FCHSD2: variants seen among roughly 807,000 people sequenced by gnomAD.
The protein encoded by FCHSD2 is FCH and double SH3 domains 2, also known as F-BAR and double SH3 domains protein 2.
In FCHSD2, 38 loss-of-function variants were observed where a neutral mutation model predicts 108.1. The ratio of observed to expected loss-of-function variants is 0.35; its 90% confidence interval spans 0.27 to 0.46. The LOEUF (loss-of-function observed/expected upper bound fraction) is 0.46. Ranked by LOEUF, FCHSD2 falls within the 20% of genes least tolerant of loss-of-function variation. The probability of loss-of-function intolerance (pLI) is 1.00; values close to 1 mark genes in which losing one functional copy is unlikely to be tolerated. For synonymous variants in FCHSD2, 279 were observed against 314.7 expected (o/e 0.89, Z 1.20); for missense variants, 751 against 897.8 (o/e 0.84, Z 2.09).
At chr11:73,127,878 T>C (rs1860896634) in intron 2 of FCHSD2, among the ~76,000 whole-genome samples, 1 of 151,528 alleles carries the variant, frequency 6.6e-6, no homozygotes, top group African/African-American at 2.4e-5. Context: ...TCACCTGAGG[T>C]CAAGGTCAAG....
intron 13 of FCHSD2, among the ~76,000 whole-genome samples, chr11:72,851,459 G>A (rs1489795305): frequency 6.6e-6 from 1 of 152,088 alleles, no homozygotes; most frequent in African/African-American, 2.4e-5. Flanking sequence ...AAAGGTTGCC[G>A]GCCGGGTGAG....
At chr11:72,990,131 A>T (rs902573912) in intron 5 of FCHSD2, among the ~76,000 whole-genome samples, 2 of 152,208 alleles carry the variant, frequency 1.3e-5, no homozygotes, top group Admixed American at 1.3e-4. Flanking sequence ...CATATTTATT[A>T]AGCACTTAAT....
At chr11:72,895,263 A>G (rs887175849) in intron 10 of FCHSD2, among the ~76,000 whole-genome samples, 7 of 152,192 alleles carry the variant, frequency 4.6e-5, no homozygotes, top group African/African-American at 1.7e-4. Flanking sequence ...GAATATACCC[A>G]TTAAGGCTGG....
chr11:72,842,096 C>T (rs1461953211), intron 17 of FCHSD2, among the ~76,000 whole-genome samples: 2 of 152,198 alleles, frequency 1.3e-5, no homozygotes, highest in African/African-American at 2.4e-5. Context: ...ACAAACTAAA[C>T]TCTGACTGAA....
intron 12 of FCHSD2, among the ~76,000 whole-genome samples, chr11:72,885,113 G>A (rs1262601627): frequency 6.6e-6 from 1 of 152,088 alleles, no homozygotes; most frequent in Non-Finnish European, 1.5e-5. Context: ...AGACTCTCAT[G>A]GTCTAGTCCA....
intron 11 of FCHSD2, among the ~76,000 whole-genome samples, chr11:72,889,092 C>T (rs1034676539): frequency 6.6e-6 from 1 of 152,030 alleles, no homozygotes; most frequent in Non-Finnish European, 1.5e-5. Context: ...GTAGCTGGGA[C>T]TACAGGTGCC....
At chr11:73,069,019 C>CA (rs199874957) in intron 3 of FCHSD2, among the ~76,000 whole-genome samples, 63 of 145,164 alleles carry the variant, frequency 4.3e-4, no homozygotes, top group African/African-American at 9.6e-4. Context: ...CTCCAAAAAA[C>CA]AAAAAAAAAG....
chr11:72,879,959 A>G (rs1018606010), intron 12 of FCHSD2, among the ~76,000 whole-genome samples: 3 of 148,300 alleles, frequency 2.0e-5, no homozygotes, highest in African/African-American at 5.0e-5. Flanking sequence ...AGATCGCGCC[A>G]TCGCATTCCA....
At chr11:72,913,838 A>AC (rs1565320129) in intron 9 of FCHSD2, among the ~76,000 whole-genome samples, 92 of 150,064 alleles carry the variant, frequency 6.1e-4, no homozygotes, top group South Asian at 1.9e-3. Flanking sequence ...AAAAAAACAA[A>AC]AAAAAAAACC....
At chr11:72,877,725 G>A (rs921256836) in intron 12 of FCHSD2, among the ~76,000 whole-genome samples, 1 of 152,200 alleles carries the variant, frequency 6.6e-6, no homozygotes, top group Non-Finnish European at 1.5e-5. Context: ...ATACAAAGCA[G>A]GCTGGGCATA....
intron 10 of FCHSD2, among the ~76,000 whole-genome samples, chr11:72,892,839 C>T (rs923421752): frequency 4.0e-5 from 6 of 151,834 alleles, no homozygotes; most frequent in South Asian, 4.2e-4. Flanking sequence ...CTCTTGACCT[C>T]GTGATCCACC....
rs115430925 is a variant in FCHSD2, at chr11:72,901,872, T to G, written c.924+671A>C. 8.5e-3 allele frequency among the ~76,000 whole-genome samples: 1,293 copies of G among 152,182 alleles called. 14 individuals carry two copies. Among genetic ancestry groups the G allele is most frequent in the African/African-American group, 0.028 (1,161 of 41,492 alleles). ...TTTATTAATTCTATTCTGGTTTTTT[T>G]TTTGTTTGTTTGTTTGTTTTGAGAC... On this transcript the variant is annotated intron_variant, in intron 10 of 19. Coordinates refer to ENST00000409418, the MANE Select transcript of FCHSD2 (RefSeq NM_014824.3).
intron 3 of FCHSD2, among the ~76,000 whole-genome samples, chr11:73,036,049 T>G (rs1858489448): frequency 6.6e-6 from 1 of 152,102 alleles, no homozygotes; most frequent in South Asian, 2.1e-4. Context: ...AAAACAAGAA[T>G]GATCAAATAT....
At chr11:72,860,232 A>G (rs1448661083) in intron 13 of FCHSD2, among the ~76,000 whole-genome samples, 1 of 152,184 alleles carries the variant, frequency 6.6e-6, no homozygotes, top group East Asian at 1.9e-4. Context: ...TGGACCGGTA[A>G]AAGGTTCGTT....
intron 3 of FCHSD2, among the ~76,000 whole-genome samples, chr11:73,070,325 C>A (rs529201226): frequency 1.4e-4 from 22 of 152,232 alleles, no homozygotes; most frequent in Admixed American, 2.0e-4. Flanking sequence ...AACATTCCAG[C>A]ACTAAACAGC....
At position 72,944,085 on chromosome 11, in the gene FCHSD2, A is replaced by T. The variant is rs150705258; in HGVS notation, c.706-22135T>A. Among the ~76,000 whole-genome samples the T allele has an allele frequency of 1.5e-3, 228 of 152,334 alleles. 4 individuals are homozygous for T. The East Asian group carries it at 0.035, about 23-fold the overall frequency. On this transcript the variant is annotated intron_variant, in intron 8 of 19. Coordinates refer to ENST00000409418, the MANE Select transcript of FCHSD2 (RefSeq NM_014824.3). Reference sequence around the variant, plus strand: ...TCATCCTGATACCAAAGCCTGGCAGAGACACAACAAAAAAAGAGAATTTTA... The same window carrying T: ...TCATCCTGATACCAAAGCCTGGCAGTGACACAACAAAAAAAGAGAATTTTA...
intron 6 of FCHSD2, among the ~76,000 whole-genome samples, chr11:72,986,240 C>T (rs561720119): frequency 3.3e-5 from 5 of 152,318 alleles, no homozygotes; most frequent in South Asian, 2.1e-4. Flanking sequence ...GACGGAGTCT[C>T]GCTCTGTTGC....
At chr11:72,916,408 G>A (rs1314924859) in intron 9 of FCHSD2, among the ~76,000 whole-genome samples, 2 of 151,070 alleles carry the variant, frequency 1.3e-5, no homozygotes, top group Admixed American at 6.6e-5. Flanking sequence ...CAATTCCTGG[G>A]CTCAAGTAAT....
intron 9 of FCHSD2, among the ~76,000 whole-genome samples, chr11:72,910,446 T>C (rs1855739615): frequency 6.6e-6 from 1 of 152,162 alleles, no homozygotes; most frequent in Non-Finnish European, 1.5e-5. Flanking sequence ...TAGAAAGAAG[T>C]AGACATAGGA....
Sources: gnomAD v4.1 joint callset for allele counts (sites outside exome capture counted in the v4.1 genomes callset) on GRCh38, gnomAD v4.1.1 for gene constraint, MANE v1.5 for transcripts, NCBI Gene and HGNC (gene_info 2026-07-23, HGNC 2026-07-21) for gene names.